The following FHIT variants were observed in gnomAD, a reference collection of about 807,000 sequenced individuals.
The protein encoded by FHIT is bis(5'-adenosyl)-triphosphatase.
FHIT carries 19 observed loss-of-function variants against 17.9 expected under a neutral mutation model. That is an observed-to-expected ratio of 1.06 (90% CI 0.74 to 1.56). The LOEUF (loss-of-function observed/expected upper bound fraction) is 1.56, where lower values mean the gene tolerates loss of function less well. Ranked by LOEUF, FHIT falls within the 40% of genes most tolerant of loss-of-function variation. The probability of loss-of-function intolerance (pLI) is 0.00; values close to 1 mark genes in which losing one functional copy is unlikely to be tolerated. For missense variants in FHIT, 248 were observed against 189.2 expected (o/e 1.31, Z -1.82); for synonymous variants, 81 against 69.7 (o/e 1.16, Z -0.81).
intron 5 of FHIT, among the ~76,000 whole-genome samples, chr3:60,322,556 A>G (rs1709481820): frequency 6.6e-6 from 1 of 152,218 alleles, no homozygotes. Flanking sequence ...TTGGTAAATA[A>G]GGGCACCGGA....
At chr3:60,368,371 C>T (rs1408778927) in intron 5 of FHIT, among the ~76,000 whole-genome samples, 1 of 151,830 alleles carries the variant, frequency 6.6e-6, no homozygotes, top group African/African-American at 2.4e-5. Context: ...TTTGAATGTG[C>T]ACTTTCATGA....
chr3:60,187,992 A>C (rs1433830823), intron 5 of FHIT, among the ~76,000 whole-genome samples: 1 of 152,120 alleles, frequency 6.6e-6, no homozygotes, highest in African/African-American at 2.4e-5. Flanking sequence ...GGTTTATCAA[A>C]GTGACCTCTG....
chr3:60,096,722 G>A (rs1288012656), intron 5 of FHIT, among the ~76,000 whole-genome samples: 2 of 152,124 alleles, frequency 1.3e-5, no homozygotes, highest in Non-Finnish European at 2.9e-5. Flanking sequence ...AGTTCAAGCT[G>A]AGGCAGACGC....
At chr3:60,388,473 C>T (rs1054902831) in intron 5 of FHIT, among the ~76,000 whole-genome samples, 1 of 152,036 alleles carries the variant, frequency 6.6e-6, no homozygotes, top group Non-Finnish European at 1.5e-5. Flanking sequence ...CTGGTGGTCA[C>T]ATGCCTGTAG....
chr3:60,930,413 A>G (rs1168192286), intron 3 of FHIT, among the ~76,000 whole-genome samples: 2 of 152,226 alleles, frequency 1.3e-5, no homozygotes, highest in East Asian at 1.9e-4. Context: ...AGAAACTACC[A>G]TCAGAGTGAA....
intron 2 of FHIT, among the ~76,000 whole-genome samples, chr3:61,132,002 C>A (rs995697921): frequency 8.5e-5 from 13 of 152,180 alleles, no homozygotes; most frequent in African/African-American, 2.9e-4. Flanking sequence ...GTAAGAAATA[C>A]TTCGATAAAA....
At chr3:59,933,477 T>C (rs1306202367) in intron 7 of FHIT, among the ~76,000 whole-genome samples, 1 of 152,148 alleles carries the variant, frequency 6.6e-6, no homozygotes, top group Non-Finnish European at 1.5e-5. Context: ...TGTCTCCTTT[T>C]TTTTCAGTAA....
At chr3:59,867,668 G>A (rs753768910) in intron 8 of FHIT, among the ~76,000 whole-genome samples, 1 of 151,800 alleles carries the variant, frequency 6.6e-6, no homozygotes, top group Non-Finnish European at 1.5e-5. Flanking sequence ...TCAGCTTTTT[G>A]GTATGCCTTA....
chr3:61,235,491 C>G (rs2040208761), intron 1 of FHIT, among the ~76,000 whole-genome samples: 1 of 152,004 alleles, frequency 6.6e-6, no homozygotes, highest in Admixed American at 6.5e-5. Flanking sequence ...AGATCATGGA[C>G]CTGAAATTTT....
chr3:61,085,753 T>C (rs1321737444), intron 2 of FHIT, among the ~76,000 whole-genome samples: 2 of 152,176 alleles, frequency 1.3e-5, no homozygotes, highest in South Asian at 2.1e-4. Flanking sequence ...TTTATAGTTT[T>C]AAAGCTTATA....
At chr3:60,440,496 T>G (rs1479579786) in intron 5 of FHIT, among the ~76,000 whole-genome samples, 1 of 152,166 alleles carries the variant, frequency 6.6e-6, no homozygotes, top group African/African-American at 2.4e-5. Flanking sequence ...TACCAGGTCC[T>G]ACGCCTGTAA....
intron 7 of FHIT, among the ~76,000 whole-genome samples, chr3:59,983,297 T>C (rs1708736633): frequency 6.6e-6 from 1 of 152,076 alleles, no homozygotes; most frequent in African/African-American, 2.4e-5. Flanking sequence ...CATAAACACA[T>C]CCTCAGGAAT....
chr3:60,769,076 TTTTATATGTACATATA>T (rs1189763806), intron 4 of FHIT, among the ~76,000 whole-genome samples: 3 of 152,182 alleles, frequency 2.0e-5, no homozygotes, highest in East Asian at 1.9e-4. Flanking sequence ...AAGAAACTCA[TTTTATATGTACATATA>T]TTTATATGTA....
At chr3:60,616,622 A>AAT (rs1362578252) in intron 4 of FHIT, among the ~76,000 whole-genome samples, 7 of 127,088 alleles carry the variant, frequency 5.5e-5, no homozygotes, top group Admixed American at 2.4e-4. Context: ...GTATAAATCA[A>AAT]ACGTGAAAGA....
chr3:60,677,358 A>G (rs782725839), intron 4 of FHIT, among the ~76,000 whole-genome samples: 7 of 152,058 alleles, frequency 4.6e-5, no homozygotes, highest in Middle Eastern at 3.2e-3. Context: ...TCTATACTCT[A>G]TGTCTACATA....
chr3:60,664,575 G>T (rs1553691982), intron 4 of FHIT, among the ~76,000 whole-genome samples: 1 of 151,426 alleles, frequency 6.6e-6, no homozygotes, highest in Non-Finnish European at 1.5e-5. Context: ...TTAACATTTG[G>T]TATAATTCTC....
chr3:60,624,862 T>C (rs1351648940), intron 4 of FHIT, among the ~76,000 whole-genome samples: 5 of 151,824 alleles, frequency 3.3e-5, no homozygotes, highest in African/African-American at 1.2e-4. Flanking sequence ...GTTTGTCCAT[T>C]CAGAAATTGA....
intron 4 of FHIT, among the ~76,000 whole-genome samples, chr3:60,709,667 A>C (rs2041467000): frequency 1.3e-5 from 2 of 152,236 alleles, no homozygotes; most frequent in South Asian, 4.1e-4. Flanking sequence ...TGCATGATAT[A>C]AAAAAGAATT....
chr3:61,135,755 A>T (rs1362526129), intron 2 of FHIT, among the ~76,000 whole-genome samples: 4 of 152,206 alleles, frequency 2.6e-5, no homozygotes, highest in Admixed American at 6.5e-5. Flanking sequence ...TTTAAATTTT[A>T]AAAAATTTAT....
Sources: allele counts gnomAD v4.1 joint callset (sites outside exome capture counted in the v4.1 genomes callset), GRCh38; gene constraint gnomAD v4.1.1; transcripts MANE v1.5; gene names NCBI Gene and HGNC (gene_info 2026-07-23, HGNC 2026-07-21).